PKIB: variants seen among roughly 807,000 people sequenced by gnomAD.
The protein encoded by PKIB is cAMP-dependent protein kinase inhibitor beta.
A neutral mutation model predicts 4.5 loss-of-function variants in PKIB; 2 were observed. The ratio of observed to expected loss-of-function variants is 0.44; its 90% CI spans 0.18 to 1.39. The LOEUF is 1.39. Ranked by LOEUF, PKIB falls within the 40% of genes most tolerant of loss-of-function variation. The probability of loss-of-function intolerance (pLI) is 0.27; values close to 1 mark genes in which losing one functional copy is unlikely to be tolerated. For synonymous variants in PKIB, 38 were observed against 36.0 expected, an observed-to-expected ratio of 1.06 and a Z score of -0.20; for missense variants, 94 against 92.6, an observed-to-expected ratio of 1.02 and a Z score of -0.06.
intron 1 of PKIB, among the ~76,000 whole-genome samples, chr6:122,621,983 A>G (rs1309818490): frequency 2.0e-5 from 3 of 152,148 alleles, no homozygotes; most frequent in Non-Finnish European, 2.9e-5. Context: ...TAAGTCACAT[A>G]TGGATTAAAG....
chr6:122,612,058 T>C (rs761361150), intron 1 of PKIB, among the ~76,000 whole-genome samples: 22 of 152,344 alleles, frequency 1.4e-4, no homozygotes, highest in Admixed American at 5.2e-4. Context: ...GACCACATTA[T>C]GCAGAATATT....
At chr6:122,716,267 G>A (rs1274395363) in intron 3 of PKIB, among the ~76,000 whole-genome samples, 1 of 152,094 alleles carries the variant, frequency 6.6e-6, no homozygotes, top group Admixed American at 6.6e-5. Context: ...TAGGCTAATT[G>A]CTATGCCCGT....
chr6:122,657,828 C>T (rs1776834154), intron 2 of PKIB, among the ~76,000 whole-genome samples: 1 of 152,154 alleles, frequency 6.6e-6, no homozygotes, highest in Non-Finnish European at 1.5e-5. Flanking sequence ...TCTTTCAGTC[C>T]AGCTTCACAG....
chr6:122,602,023 T>A (rs80245653), intron 3 of PKIB, among the ~76,000 whole-genome samples: 3 of 151,708 alleles, frequency 2.0e-5, no homozygotes, highest in Non-Finnish European at 2.9e-5. Context: ...TTTTTTTTTT[T>A]ATAAATACAA....
intron 3 of PKIB, among the ~76,000 whole-genome samples, chr6:122,700,294 A>ATTT (rs1778759625): frequency 8.1e-6 from 1 of 123,220 alleles, no homozygotes; most frequent in South Asian, 2.6e-4. Flanking sequence ...CACTGGACAT[A>ATTT]TTTGGTGGTG....
chr6:122,720,943 C>T (rs1779715994), intron 4 of PKIB, among the ~76,000 whole-genome samples: 1 of 152,190 alleles, frequency 6.6e-6, no homozygotes, highest in Admixed American at 6.5e-5. Context: ...TTCAGGTGAT[C>T]CGCCTGCCTT....
chr6:122,608,238 T>C (rs1774612014), upstream of PKIB, among the ~76,000 whole-genome samples: 1 of 152,238 alleles, frequency 6.6e-6, no homozygotes, highest in African/African-American at 2.4e-5. Flanking sequence ...TTCCTATTTA[T>C]TCTTGTTAAC....
intron 2 of PKIB, among the ~76,000 whole-genome samples, chr6:122,565,665 C>A (rs993641305): frequency 6.6e-6 from 1 of 152,154 alleles, no homozygotes; most frequent in African/African-American, 2.4e-5. Context: ...CCTATAGCTA[C>A]TGTAAAAAAC....
chr6:122,688,596 C>G (rs2114992570), intron 3 of PKIB, among the ~76,000 whole-genome samples: 2 of 152,034 alleles, frequency 1.3e-5, no homozygotes, highest in East Asian at 3.9e-4. Flanking sequence ...CTTTACTTTA[C>G]TGGGAGACTT....
intron 2 of PKIB, among the ~76,000 whole-genome samples, chr6:122,496,112 G>T (rs1776070839): frequency 6.6e-6 from 1 of 152,130 alleles, no homozygotes; most frequent in Non-Finnish European, 1.5e-5. Context: ...AGCACCTCAT[G>T]GTAAAGAAAG....
chr6:122,657,261 A>G (rs1424522414), intron 2 of PKIB, among the ~76,000 whole-genome samples: 2 of 152,130 alleles, frequency 1.3e-5, no homozygotes, highest in Admixed American at 1.3e-4. Context: ...CCCTTTATCC[A>G]ATAGGACTTG....
intron 2 of PKIB, among the ~76,000 whole-genome samples, chr6:122,536,522 A>G (rs945894735): frequency 4.6e-5 from 7 of 152,200 alleles, no homozygotes; most frequent in African/African-American, 1.4e-4. Context: ...AAACTTGCCT[A>G]TTCTTTGGGT....
chr6:122,684,770 C>G (rs568865869), intron 3 of PKIB, among the ~76,000 whole-genome samples: 1 of 152,222 alleles, frequency 6.6e-6, no homozygotes, highest in South Asian at 2.1e-4. Context: ...CCAAAATTCT[C>G]AGATATCTAC....
At chr6:122,613,186 G>A (rs563206351) in intron 1 of PKIB, among the ~76,000 whole-genome samples, 128 of 152,296 alleles carry the variant, frequency 8.4e-4, no homozygotes, top group African/African-American at 3.0e-3. Context: ...TATTTTAAGT[G>A]TTGAGACTTA....
intron 2 of PKIB, among the ~76,000 whole-genome samples, chr6:122,661,971 G>A (rs967633607): frequency 2.0e-5 from 3 of 152,016 alleles, no homozygotes; most frequent in Admixed American, 1.3e-4. Flanking sequence ...CATTTAATGT[G>A]CTTATTGGCC....
At chr6:122,575,224 G>T (rs1318574240) in intron 2 of PKIB, among the ~76,000 whole-genome samples, 1 of 152,070 alleles carries the variant, frequency 6.6e-6, no homozygotes, top group Non-Finnish European at 1.5e-5. Context: ...TGCAAGAATG[G>T]CCGTTTAAGT....
intron 2 of PKIB, among the ~76,000 whole-genome samples, chr6:122,670,690 C>T (rs1421302700): frequency 2.6e-5 from 4 of 152,168 alleles, no homozygotes; most frequent in African/African-American, 7.2e-5. Context: ...TACTATGTGT[C>T]AGGCAGAGTC....
intron 3 of PKIB, among the ~76,000 whole-genome samples, chr6:122,592,394 G>GT (rs1188994561): frequency 7.9e-5 from 12 of 152,192 alleles, no homozygotes; most frequent in Non-Finnish European, 1.8e-4. Context: ...ATGAAAACTG[G>GT]TTTATCTTAA....
chr6:122,617,991 A>G (rs1439423666), intron 1 of PKIB, among the ~76,000 whole-genome samples: 1 of 152,154 alleles, frequency 6.6e-6, no homozygotes, highest in Non-Finnish European at 1.5e-5. Flanking sequence ...AAATGAGTAG[A>G]AACAGAAAAT....
Sources: allele counts gnomAD v4.1 joint callset (sites outside exome capture counted in the v4.1 genomes callset), GRCh38; gene constraint gnomAD v4.1.1; transcripts MANE v1.5; gene names NCBI Gene and HGNC (gene_info 2026-07-23, HGNC 2026-07-21).